The following TMEM117 variants were observed in gnomAD, a reference collection of about 807,000 sequenced individuals.
TMEM117 encodes the protein transmembrane protein 117.
Under a neutral mutation model 52.4 loss-of-function variants are expected in TMEM117, and 27 were observed. The ratio of observed to expected loss-of-function variants is 0.51; its 90% confidence interval spans 0.38 to 0.71. TMEM117 has a LOEUF of 0.71. Among genes scored for constraint, TMEM117 ranks in the 30% least tolerant of loss-of-function variants. The probability of loss-of-function intolerance (pLI) is 0.00; values close to 1 mark genes in which losing one functional copy is unlikely to be tolerated. For missense variants in TMEM117, 556 were observed against 630.5 expected (o/e 0.88, Z 1.26); for synonymous variants, 215 against 206.3 (o/e 1.04, Z -0.36).
intron 2 of TMEM117, among the ~76,000 whole-genome samples, chr12:43,925,816 G>A (rs1056661803): frequency 1.3e-5 from 2 of 152,118 alleles, no homozygotes; most frequent in Non-Finnish European, 2.9e-5. Context: ...CTTGACCCTC[G>A]TGTACCATCA....
chr12:43,953,309 C>G (rs1012252061), intron 3 of TMEM117, among the ~76,000 whole-genome samples: 1 of 152,048 alleles, frequency 6.6e-6, no homozygotes, highest in Admixed American at 6.5e-5. Flanking sequence ...TAATATTAAC[C>G]TGAAATGTAA....
intron 2 of TMEM117, among the ~76,000 whole-genome samples, chr12:43,912,996 G>T (rs1944541103): frequency 6.6e-6 from 1 of 152,114 alleles, no homozygotes; most frequent in Admixed American, 6.6e-5. Context: ...AAAATATTTT[G>T]AGCATCTGGA....
chr12:44,120,759 C>T (rs550833658), intron 3 of TMEM117, among the ~76,000 whole-genome samples: 1 of 152,158 alleles, frequency 6.6e-6, no homozygotes, highest in African/African-American at 2.4e-5. Flanking sequence ...CTTAGGACCT[C>T]GTCCTGGTTT....
chr12:43,897,270 C>T (rs2137494404), intron 2 of TMEM117, among the ~76,000 whole-genome samples: 1 of 150,448 alleles, frequency 6.6e-6, no homozygotes, highest in Non-Finnish European at 1.5e-5. Context: ...CAATTCTTTT[C>T]TTACCTATCA....
Position 44,206,324 on chromosome 12 carries a change from G to T in TMEM117, c.511-4966G>T, listed in dbSNP as rs571629355. 1.5e-3 allele frequency among the ~76,000 whole-genome samples: 233 copies of T among 152,212 alleles called. 3 individuals carry two copies. Among genetic ancestry groups the T allele is most frequent in the African/African-American group, 5.2e-3 (218 of 41,546 alleles). On this transcript the variant is annotated intron_variant, in intron 4 of 7. Transcript: ENST00000266534. ...GCCCTGGGTGGGCCAGGTTTTCCTTGCCGTCATTCCGGTAAACCAACAACC... is the reference window on the plus strand; with the variant it reads ...GCCCTGGGTGGGCCAGGTTTTCCTTTCCGTCATTCCGGTAAACCAACAACC...
At chr12:44,221,896 A>G (rs1949793805) in intron 5 of TMEM117, among the ~76,000 whole-genome samples, 1 of 151,888 alleles carries the variant, frequency 6.6e-6, no homozygotes, top group Non-Finnish European at 1.5e-5. Context: ...ACGGGATTTC[A>G]CCATGTTGGC....
chr12:44,153,552 C>T (rs1361386970), intron 4 of TMEM117, among the ~76,000 whole-genome samples: 1 of 151,904 alleles, frequency 6.6e-6, no homozygotes, highest in African/African-American at 2.4e-5. Context: ...TTCCTAAATT[C>T]CTATATTCCT....
rs931751076 is a variant in TMEM117, at chr12:44,389,012, C to G, written c.*340C>G. On this transcript the variant is annotated 3_prime_UTR_variant, in exon 8 of 8. Transcript: ENST00000266534. Reference sequence around the variant, plus strand: ...GACATTAAACTGTTTTTAACTGTACCAGAAATGAAGTGTGGAACAGTTACC... The same window carrying G: ...GACATTAAACTGTTTTTAACTGTACGAGAAATGAAGTGTGGAACAGTTACC... 4.4e-6 allele frequency: 1 copy of G among 229,244 alleles called. No homozygotes were observed. The highest frequency in any genetic ancestry group is 8.2e-5 in the South Asian group (1 of 12,236). The allele number at this position is 229,244 out of a possible 1,614,324, so 14.2% of individuals were successfully genotyped here.
At chr12:43,947,972 G>T (rs545644639) in intron 3 of TMEM117, among the ~76,000 whole-genome samples, 1 of 152,090 alleles carries the variant, frequency 6.6e-6, no homozygotes, top group African/African-American at 2.4e-5. Flanking sequence ...GGGGTCTCAT[G>T]ATCTCTTACT....
intron 4 of TMEM117, among the ~76,000 whole-genome samples, chr12:44,200,653 A>G (rs575170578): frequency 5.3e-5 from 8 of 152,176 alleles, no homozygotes; most frequent in Non-Finnish European, 8.8e-5. Context: ...AGGAATTAAG[A>G]CTAAGTGACA....
At chr12:43,812,428 TTCTTTC>T in the TMEM117 span, among the ~76,000 whole-genome samples, 3 of 152,356 alleles carry the variant, frequency 2.0e-5, no homozygotes, top group South Asian at 6.2e-4. Context: ...TTTCTTTCTG[TTCTTTC>T]TCTTTACTCA....
intron 5 of TMEM117, among the ~76,000 whole-genome samples, chr12:44,228,183 A>G (rs1695014834): frequency 6.6e-6 from 1 of 152,070 alleles, no homozygotes; most frequent in African/African-American, 2.4e-5. Context: ...ATTTTTAAAG[A>G]TTGTTCTGGC....
intron 4 of TMEM117, among the ~76,000 whole-genome samples, chr12:44,193,029 G>C (rs1949375320): frequency 6.6e-6 from 1 of 152,184 alleles, no homozygotes; most frequent in African/African-American, 2.4e-5. Flanking sequence ...ACCAGACTTA[G>C]AATCTGTAGG....
intron 5 of TMEM117, among the ~76,000 whole-genome samples, chr12:44,242,121 A>G (rs1311461649): frequency 2.1e-5 from 3 of 144,540 alleles, no homozygotes; most frequent in African/African-American, 5.7e-5. Flanking sequence ...CAACTCCCAG[A>G]TAATTTGTCT....
intron 3 of TMEM117, among the ~76,000 whole-genome samples, chr12:44,027,988 G>C (rs935877513): frequency 3.9e-5 from 6 of 152,118 alleles, no homozygotes; most frequent in Non-Finnish European, 7.4e-5. Context: ...AGCGGATCAC[G>C]AGGTCAGGAG....
chr12:43,955,866 G>A (rs10880605), intron 3 of TMEM117, among the ~76,000 whole-genome samples: 25,223 of 152,136 alleles, frequency 0.17, 3,149 homozygotes, highest in African/African-American at 0.34. Flanking sequence ...AAAGCTGGAG[G>A]TATCATGCTA....
intron 5 of TMEM117, among the ~76,000 whole-genome samples, chr12:44,240,782 A>G (rs1258907740): frequency 6.6e-6 from 1 of 152,078 alleles, no homozygotes; most frequent in Non-Finnish European, 1.5e-5. Context: ...TATTAATACC[A>G]ATTTAAGTTG....
chr12:43,836,022 T>C (rs1270681217), upstream of TMEM117: 2 of 151,070 alleles, frequency 1.3e-5, no homozygotes, highest in Non-Finnish European at 3.0e-5. Flanking sequence ...GCGCCCGGCG[T>C]AGGCGGCGGC....
chr12:43,904,743 T>G (rs1364828148), intron 2 of TMEM117, among the ~76,000 whole-genome samples: 2 of 152,254 alleles, frequency 1.3e-5, no homozygotes, highest in Non-Finnish European at 2.9e-5. Context: ...TAATATTCTC[T>G]GTACGCAAGA....
Sources: gnomAD v4.1 joint callset for allele counts (sites outside exome capture counted in the v4.1 genomes callset) on GRCh38, gnomAD v4.1.1 for gene constraint, MANE v1.5 for transcripts, NCBI Gene and HGNC (gene_info 2026-07-23, HGNC 2026-07-21) for gene names.